NEBL: variants seen among roughly 807,000 people sequenced by gnomAD.
NEBL encodes nebulette.
In NEBL, 122 loss-of-function variants were observed where a neutral mutation model predicts 140.2. That is an observed-to-expected ratio of 0.87 (90% CI 0.75 to 1.01). The LOEUF (loss-of-function observed/expected upper bound fraction) is 1.01, where lower values mean the gene tolerates loss of function less well. Ranked by LOEUF, NEBL falls within the 50% of genes least tolerant of loss-of-function variation. NEBL has a pLI of 0.00. For missense variants in NEBL, 1,365 were observed against 1,231.3 expected, an observed-to-expected ratio of 1.11 and a Z score of -1.62; for synonymous variants, 436 against 398.9, an observed-to-expected ratio of 1.09 and a Z score of -1.11.
intron 4 of NEBL, among the ~76,000 whole-genome samples, chr10:20,949,235 G>A (rs1704197977): frequency 6.6e-6 from 1 of 152,108 alleles, no homozygotes; most frequent in South Asian, 2.1e-4. Flanking sequence ...TCCTAAGTGG[G>A]AGTCATACAA....
At chr10:20,788,890 C>T (rs1835673921) in intron 26 of NEBL, among the ~76,000 whole-genome samples, 1 of 152,150 alleles carries the variant, frequency 6.6e-6, no homozygotes, top group Non-Finnish European at 1.5e-5. Context: ...CTCTGGAAGC[C>T]TTGTCCATTG....
chr10:20,805,852 CA>C (rs11298619), intron 26 of NEBL, among the ~76,000 whole-genome samples: 63,824 of 141,328 alleles, frequency 0.45, 13,868 homozygotes, highest in East Asian at 0.65. Context: ...GACTCCGTCT[CA>C]AAAAAAAAAA....
At chr10:21,162,509 T>C (rs543389819) in intron 2 of NEBL, among the ~76,000 whole-genome samples, 7 of 152,194 alleles carry the variant, frequency 4.6e-5, no homozygotes, top group Admixed American at 2.0e-4. Flanking sequence ...CAGAATTGCA[T>C]TGCGGTATTG....
intron 3 of NEBL, chr10:21,218,418 T>C (rs559335124): frequency 6.6e-6 from 1 of 152,350 alleles, no homozygotes; most frequent in Admixed American, 6.5e-5. Context: ...TACAATGCAA[T>C]GATATTTGAA....
chr10:20,854,800 A>T (rs1235154130), intron 9 of NEBL, among the ~76,000 whole-genome samples: 1 of 152,062 alleles, frequency 6.6e-6, no homozygotes, highest in Non-Finnish European at 1.5e-5. Flanking sequence ...CCTGGCCTCA[A>T]GCCATCCTCC....
intron 1 of NEBL, among the ~76,000 whole-genome samples, chr10:21,281,323 T>G (rs536123065): frequency 3.0e-4 from 46 of 151,604 alleles, no homozygotes; most frequent in South Asian, 1.9e-3. Context: ...GGTTTTGGGG[T>G]TTTTTGTGTG....
chr10:21,014,199 C>T (rs1372466145), intron 3 of NEBL, among the ~76,000 whole-genome samples: 3 of 152,062 alleles, frequency 2.0e-5, no homozygotes, highest in African/African-American at 7.2e-5. Flanking sequence ...TCGTAGCTCA[C>T]TACAACCTCA....
intron 3 of NEBL, among the ~76,000 whole-genome samples, chr10:21,182,969 G>C (rs367639796): frequency 5.3e-5 from 8 of 152,162 alleles, no homozygotes; most frequent in East Asian, 3.8e-4. Flanking sequence ...CAGAGCCACC[G>C]ATGGCCCATT....
At chr10:21,028,671 A>G (rs1833643634) in intron 2 of NEBL, among the ~76,000 whole-genome samples, 1 of 152,212 alleles carries the variant, frequency 6.6e-6, no homozygotes, top group African/African-American at 2.4e-5. Context: ...TAACATTTTA[A>G]GTATAATCAC....
Position 20,784,753 on chromosome 10 carries a change from C to T in NEBL, c.*994G>A, listed in dbSNP as rs529660760. On this transcript the variant is annotated 3_prime_UTR_variant, in exon 28 of 28. Coordinates refer to ENST00000377122, the MANE Select transcript of NEBL (RefSeq NM_006393.3). ...AAGCTGTTCAATGGAACACCTAAAT[C>T]GCTTATTTACTAGAGTATACATGTT... is the stretch of plus-strand genomic sequence containing the variant. 19 of 152,272 alleles carry T rather than the reference C, an allele frequency of 1.2e-4. No individual in the cohort carries two copies. In the East Asian group the frequency reaches 3.1e-3, roughly 25 times the overall value. 9.4% of individuals were successfully genotyped at this position (152,272 alleles called of 1,614,324 possible). A position where few individuals can be genotyped will look rare whatever the true frequency, so the allele number is the denominator to read the frequency against.
intron 26 of NEBL, among the ~76,000 whole-genome samples, chr10:20,799,910 C>G (rs1476995384): frequency 6.6e-6 from 1 of 151,192 alleles, no homozygotes; most frequent in Non-Finnish European, 1.5e-5. Context: ...AATTATCATA[C>G]CTACCATCTG....
At chr10:20,845,132 A>C (rs1434819161) in intron 12 of NEBL, 126 bp downstream of exon 12, 2 of 630,782 alleles carry the variant, frequency 3.2e-6, no homozygotes, top group Non-Finnish European at 5.6e-6. Context: ...GTGAAGATCA[A>C]AGTGAAAAAA....
intron 2 of NEBL, among the ~76,000 whole-genome samples, chr10:21,110,513 G>T (rs749871979): frequency 2.6e-5 from 4 of 151,896 alleles, no homozygotes; most frequent in Non-Finnish European, 5.9e-5. Flanking sequence ...CCCTGGTATT[G>T]GTTCTTTGTT....
At chr10:20,795,850 T>C (rs751430353) in intron 26 of NEBL, among the ~76,000 whole-genome samples, 11 of 152,198 alleles carry the variant, frequency 7.2e-5, no homozygotes, top group Non-Finnish European at 1.3e-4. Flanking sequence ...ATATGAAAGA[T>C]TTAGTTGAAA....
At chr10:20,957,758 AT>A (rs1189309124) in intron 4 of NEBL, among the ~76,000 whole-genome samples, 1 of 152,108 alleles carries the variant, frequency 6.6e-6, no homozygotes, top group Non-Finnish European at 1.5e-5. Flanking sequence ...AAAACACACA[AT>A]TTTGTCATCT....
chr10:20,793,534 T>C lies in NEBL; in HGVS notation c.2762-6226A>G, dbSNP rs115800293. Among the ~76,000 whole-genome samples the C allele has an allele frequency of 1.6e-3, 244 of 151,272 alleles. 1 individual carries two copies. Among genetic ancestry groups the C allele is most frequent in the African/African-American group, 5.9e-3 (241 of 41,184 alleles). ...CGGTAAAGGAAATTGCATAATGGTG[T>C]CTTATTTTTCTTTCTTTCTTTTCTT... On this transcript the variant is annotated intron_variant, in intron 26 of 27. Transcript: ENST00000377122.
intron 26 of NEBL, among the ~76,000 whole-genome samples, chr10:20,805,578 C>T (rs768517269): frequency 3.9e-4 from 60 of 152,102 alleles, no homozygotes; most frequent in Non-Finnish European, 8.2e-4. Flanking sequence ...TTTGGCCAGG[C>T]ACAGTGGCTC....
intron 2 of NEBL, among the ~76,000 whole-genome samples, chr10:21,038,650 T>C (rs1834117946): frequency 6.6e-6 from 1 of 152,226 alleles, no homozygotes; most frequent in African/African-American, 2.4e-5. Context: ...TTTGCTATTG[T>C]AAATAGTGCT....
At chr10:21,226,107 T>C (rs1169947537) in intron 3 of NEBL, among the ~76,000 whole-genome samples, 1 of 151,914 alleles carries the variant, frequency 6.6e-6, no homozygotes, top group Non-Finnish European at 1.5e-5. Context: ...CAGTTGATTA[T>C]CCTGACAGGA....
Sources: allele counts gnomAD v4.1 joint callset (sites outside exome capture counted in the v4.1 genomes callset), GRCh38; gene constraint gnomAD v4.1.1; transcripts MANE v1.5; gene names NCBI Gene and HGNC (gene_info 2026-07-23, HGNC 2026-07-21).